MAPT: variants seen among roughly 807,000 people sequenced by gnomAD.
MAPT encodes microtubule-associated protein tau.
In MAPT, 34 loss-of-function variants were observed where a neutral mutation model predicts 67.9. That is an observed-to-expected ratio of 0.50 (90% CI 0.38 to 0.67). MAPT has a LOEUF of 0.67. MAPT is among the 30% of genes least tolerant of loss of function. MAPT has a pLI of 0.00. For missense variants in MAPT, 881 were observed against 1,115.2 expected (o/e 0.79, Z 2.99); for synonymous variants, 456 against 464.5 (o/e 0.98, Z 0.23).
intron 1 of MAPT, among the ~76,000 whole-genome samples, chr17:45,939,821 A>G (rs1164249983): frequency 5.3e-5 from 8 of 152,140 alleles, no homozygotes; most frequent in African/African-American, 1.7e-4. Flanking sequence ...GATTTCATAT[A>G]TGACCTGCAC....
chr17:45,928,257 C>G (rs1415525802), intron 1 of MAPT, among the ~76,000 whole-genome samples: 1 of 152,182 alleles, frequency 6.6e-6, no homozygotes, highest in African/African-American at 2.4e-5. Flanking sequence ...AAACTCTTTA[C>G]AGTTTTCTGT....
chr17:45,950,809 T>C (rs921286730), intron 1 of MAPT, among the ~76,000 whole-genome samples: 1 of 152,058 alleles, frequency 6.6e-6, no homozygotes, highest in African/African-American at 2.4e-5. Context: ...ATTACAGATA[T>C]GTGCCACTAT....
chr17:45,996,820 C>T lies in MAPT; in HGVS notation c.1998+156C>T, dbSNP rs1376044557. Among the ~76,000 whole-genome samples the T allele has an allele frequency of 6.6e-6, 1 of 152,166 alleles. No homozygotes were observed. The highest frequency in any genetic ancestry group is 2.4e-5 in the African/African-American group (1 of 41,432). On this transcript the variant is annotated intron_variant, in intron 9 of 12. Coordinates refer to ENST00000262410, the MANE Select transcript of MAPT (RefSeq NM_001377265.1). This position sits in a 1 kb window ranked among gnomAD's most constrained non-coding sequence, Gnocchi z 4.5. ...GTGGGGCTCCCCGCACCTGAGCACC[C>T]CCGCATAACACCCCAGTCCCCTCTG... is the stretch of plus-strand genomic sequence containing the variant.
At chr17:45,917,837 G>A (rs1470048314) in intron 1 of MAPT, among the ~76,000 whole-genome samples, 1 of 151,264 alleles carries the variant, frequency 6.6e-6, no homozygotes, top group Non-Finnish European at 1.5e-5. Flanking sequence ...GCAGTGGCAC[G>A]ATCTCAGTTC....
intron 1 of MAPT, 39 bp from the exon 2 acceptor site, chr17:45,962,282 A>G (rs1444969386): frequency 1.9e-6 from 3 of 1,564,802 alleles, no homozygotes; most frequent in East Asian, 2.3e-5. Flanking sequence ...CTGCCCCCCA[A>G]CACTCCTCAG....
chr17:45,989,186 C>T (rs2073855915), intron 6 of MAPT, among the ~76,000 whole-genome samples: 1 of 152,094 alleles, frequency 6.6e-6, no homozygotes, highest in South Asian at 2.1e-4. Flanking sequence ...CACTTGGGGA[C>T]ATTTTCTTGA....
At chr17:45,909,608 A>C (rs2064600495) in intron 1 of MAPT, among the ~76,000 whole-genome samples, 1 of 152,148 alleles carries the variant, frequency 6.6e-6, no homozygotes, top group South Asian at 2.1e-4. Context: ...GTGGTGGCTC[A>C]TGCCTGTAAT....
At position 45,955,697 on chromosome 17, in the gene MAPT, G is replaced by A. The variant is rs1038926051; in HGVS notation, c.-17-6624G>A. 2.0e-5 allele frequency among the ~76,000 whole-genome samples: 3 copies of A among 152,038 alleles called. No individual in the cohort carries two copies. The East Asian group carries it at 5.8e-4, about 29-fold the overall frequency. On this transcript the variant is annotated intron_variant, in intron 1 of 12. Coordinates refer to ENST00000262410, the MANE Select transcript of MAPT (RefSeq NM_001377265.1). Reference sequence around the variant, plus strand: ...TGAGAATCCAACAGAAGGCAGAGGGGAGAACGGCTCACACGGCACAAACAC... The same window carrying A: ...TGAGAATCCAACAGAAGGCAGAGGGAAGAACGGCTCACACGGCACAAACAC...
chr17:45,904,329 T>A (rs1467863566), intron 1 of MAPT, among the ~76,000 whole-genome samples: 7 of 62,238 alleles, frequency 1.1e-4, no homozygotes, highest in Non-Finnish European at 1.3e-4. Context: ...ATAATATATA[T>A]TATATATTAT....
chr17:45,910,897 G>A (rs1597883620), intron 1 of MAPT: 1 of 152,138 alleles, frequency 6.6e-6, no homozygotes, highest in East Asian at 1.9e-4. Context: ...GGAGGCAGAG[G>A]GAGCCTCATA....
chr17:45,900,940 G>C (rs56306380), intron 1 of MAPT, among the ~76,000 whole-genome samples: 1 of 152,026 alleles, frequency 6.6e-6, no homozygotes, highest in Non-Finnish European at 1.5e-5. Context: ...CATCATCGGC[G>C]GTGTCCTGTG....
At chr17:45,930,752 C>T (rs1360853430) in intron 1 of MAPT, among the ~76,000 whole-genome samples, 2 of 152,142 alleles carry the variant, frequency 1.3e-5, no homozygotes, top group Non-Finnish European at 2.9e-5. Flanking sequence ...AGGTGAACGC[C>T]GTTCAGAAAT....
intron 1 of MAPT, among the ~76,000 whole-genome samples, chr17:45,920,727 C>T (rs149258632): frequency 6.6e-6 from 1 of 152,324 alleles, no homozygotes; most frequent in East Asian, 1.9e-4. Flanking sequence ...GATACACCCT[C>T]CTTAGCCGTC....
At position 45,906,040 on chromosome 17, in the gene MAPT, C is replaced by T. The variant is rs918146525; in HGVS notation, c.-18+11354C>T. On this transcript the variant is annotated intron_variant, in intron 1 of 12. Coordinates refer to ENST00000262410, the MANE Select transcript of MAPT (RefSeq NM_001377265.1). The surrounding 1 kb of genome is among the most constrained non-coding windows in gnomAD (Gnocchi z 4.3). ...GGGTGAGGGCTGAGCCAGCAGGGTC[C>T]GTGCCCAGGAGGGATGCATGGGTGG... Among the ~76,000 whole-genome samples the T allele has an allele frequency of 6.6e-6, 1 of 152,202 alleles. No homozygotes were observed. Among genetic ancestry groups the T allele is most frequent in the African/African-American group, 2.4e-5 (1 of 41,444 alleles).
intron 1 of MAPT, among the ~76,000 whole-genome samples, chr17:45,921,408 C>T (rs1042121156): frequency 6.6e-6 from 1 of 152,186 alleles, no homozygotes; most frequent in Non-Finnish European, 1.5e-5. Flanking sequence ...ACATTAGCAG[C>T]TCGGAGAGCT....
chr17:45,985,329 A>G (rs2073431587), intron 5 of MAPT, among the ~76,000 whole-genome samples: 1 of 152,116 alleles, frequency 6.6e-6, no homozygotes, highest in Non-Finnish European at 1.5e-5. Context: ...AAATAAAGTT[A>G]AGAGAGAAAA....
chr17:45,965,742 G>A (rs969606893), intron 2 of MAPT, among the ~76,000 whole-genome samples: 2 of 151,566 alleles, frequency 1.3e-5, no homozygotes, highest in Non-Finnish European at 2.9e-5. Context: ...AAAAAAAATA[G>A]TGCTGCTTTC....
chr17:45,900,037 C>T (rs1348548104), intron 1 of MAPT, among the ~76,000 whole-genome samples: 2 of 152,110 alleles, frequency 1.3e-5, no homozygotes, highest in African/African-American at 4.8e-5. Flanking sequence ...TTCTGTACCT[C>T]GGCAAGGTGA....
chr17:45,916,946 G>A (rs1157500874), intron 1 of MAPT, among the ~76,000 whole-genome samples: 4 of 152,176 alleles, frequency 2.6e-5, no homozygotes, highest in Non-Finnish European at 5.9e-5. Context: ...CCTGGAGATG[G>A]GCCCTCAGAC....
Sources: gnomAD v4.1 joint callset for allele counts (sites outside exome capture counted in the v4.1 genomes callset) on GRCh38, gnomAD v4.1.1 for gene constraint, Gnocchi (gnomAD v3.1) non-coding constraint, MANE v1.5 for transcripts, NCBI Gene and HGNC (gene_info 2026-07-23, HGNC 2026-07-21) for gene names.